GABRG3: variants seen among roughly 807,000 people sequenced by gnomAD.
GABRG3 encodes gamma-aminobutyric acid receptor subunit gamma-3.
GABRG3 carries 25 observed loss-of-function variants against 48.8 expected under a neutral mutation model. That is an observed-to-expected ratio of 0.51 (90% CI 0.37 to 0.72). The LOEUF is 0.72. Ranked by LOEUF, GABRG3 falls within the 30% of genes least tolerant of loss-of-function variation. The pLI, the probability that GABRG3 is intolerant of heterozygous loss-of-function variation, is 0.00. For synonymous variants in GABRG3, 227 were observed against 217.6 expected (o/e 1.04, Z -0.38); for missense variants, 394 against 577.9 (o/e 0.68, Z 3.26).
Position 27,006,178 on chromosome 15 carries a change from G to GT in GABRG3, c.203-20566dup, listed in dbSNP as rs11309210. ...AATAAAACTTTTTTTTACATTCCTA[G>GT]TTTTTTTTTTGTCTTCCAACTTTTT... On this transcript the variant is annotated intron_variant, in intron 2 of 9. Transcript: ENST00000615808. Among the ~76,000 whole-genome samples the GT allele has an allele frequency of 5.5e-4, 82 of 150,274 alleles. No individual in the cohort carries two copies. In the East Asian group the frequency reaches 0.012, roughly 22 times the overall value.
chr15:27,515,251 C>T (rs908993040), intron 6 of GABRG3, among the ~76,000 whole-genome samples: 1 of 151,990 alleles, frequency 6.6e-6, no homozygotes, highest in Non-Finnish European at 1.5e-5. Context: ...CACCACCACA[C>T]CCAACTAACT....
chr15:27,265,553 G>C (rs1036723905), intron 3 of GABRG3, among the ~76,000 whole-genome samples: 1 of 152,120 alleles, frequency 6.6e-6, no homozygotes, highest in South Asian at 2.1e-4. Flanking sequence ...GCTTCACATC[G>C]GAGCGAAGGG....
intron 2 of GABRG3, among the ~76,000 whole-genome samples, chr15:26,993,926 T>C (rs1159679109): frequency 6.6e-6 from 1 of 152,076 alleles, no homozygotes; most frequent in Non-Finnish European, 1.5e-5. Context: ...TTATATCCTC[T>C]TGCCGAATTG....
chr15:27,136,384 C>T (rs914402057), intron 3 of GABRG3, among the ~76,000 whole-genome samples: 4 of 152,144 alleles, frequency 2.6e-5, no homozygotes, highest in African/African-American at 9.7e-5. Context: ...ACTGCATGTT[C>T]TAATACCCTT....
intron 2 of GABRG3, among the ~76,000 whole-genome samples, chr15:27,019,323 G>C (rs1175517336): frequency 6.6e-6 from 1 of 151,732 alleles, no homozygotes; most frequent in Non-Finnish European, 1.5e-5. Context: ...CCCCGCCTTG[G>C]CCTCCCAAAG....
chr15:26,999,108 C>T (rs1254471095), intron 2 of GABRG3, among the ~76,000 whole-genome samples: 2 of 149,220 alleles, frequency 1.3e-5, no homozygotes, highest in African/African-American at 2.5e-5. Context: ...ATGGATTAAA[C>T]CAACCATGGG....
chr15:27,286,417 T>C (rs2140483120), intron 3 of GABRG3, among the ~76,000 whole-genome samples: 1 of 152,308 alleles, frequency 6.6e-6, no homozygotes, highest in South Asian at 2.1e-4. Context: ...TTTCATCTTC[T>C]TCCTTCAAGG....
At chr15:27,175,580 A>T (rs1198558024) in intron 3 of GABRG3, among the ~76,000 whole-genome samples, 1 of 152,240 alleles carries the variant, frequency 6.6e-6, no homozygotes, top group East Asian at 1.9e-4. Context: ...TTTAACTAAA[A>T]GCAGTCTGAT....
intron 3 of GABRG3, among the ~76,000 whole-genome samples, chr15:27,277,696 A>G (rs1227978591): frequency 6.6e-6 from 1 of 152,210 alleles, no homozygotes; most frequent in Non-Finnish European, 1.5e-5. Flanking sequence ...AACAGTACCT[A>G]TAAAGATTAC....
intron 5 of GABRG3, among the ~76,000 whole-genome samples, chr15:27,404,645 A>G (rs1208302311): frequency 1.3e-5 from 2 of 151,994 alleles, no homozygotes; most frequent in African/African-American, 2.4e-5. Flanking sequence ...GGCGTTCTCT[A>G]CTTGGGGCAC....
intron 3 of GABRG3, among the ~76,000 whole-genome samples, chr15:27,100,746 C>T (rs1005849338): frequency 3.9e-5 from 6 of 152,038 alleles, no homozygotes; most frequent in African/African-American, 7.2e-5. Flanking sequence ...TCATTTTATG[C>T]GAAAATGTAT....
intron 3 of GABRG3, among the ~76,000 whole-genome samples, chr15:27,250,550 C>G (rs942380150): frequency 3.9e-5 from 6 of 152,134 alleles, no homozygotes; most frequent in African/African-American, 1.4e-4. Context: ...CCTCAGCCTC[C>G]CTAGTAGCTG....
chr15:27,124,100 C>T (rs991825242), intron 3 of GABRG3, among the ~76,000 whole-genome samples: 1 of 152,128 alleles, frequency 6.6e-6, no homozygotes, highest in African/African-American at 2.4e-5. Context: ...CAGTTTAACT[C>T]ATGTTAAGAT....
intron 5 of GABRG3, among the ~76,000 whole-genome samples, chr15:27,329,324 C>T (rs966002076): frequency 1.3e-5 from 2 of 152,250 alleles, no homozygotes; most frequent in East Asian, 1.9e-4. Context: ...AGTGCAGTAG[C>T]ACAGCCTTAG....
intron 3 of GABRG3, among the ~76,000 whole-genome samples, chr15:27,069,398 G>A (rs949822795): frequency 1.3e-5 from 2 of 152,138 alleles, no homozygotes; most frequent in African/African-American, 2.4e-5. Flanking sequence ...AATTGCTGTG[G>A]GCCCACAATG....
chr15:27,134,609 A>G (rs573190188), intron 3 of GABRG3, among the ~76,000 whole-genome samples: 98 of 151,936 alleles, frequency 6.5e-4, no homozygotes, highest in African/African-American at 2.3e-3. Flanking sequence ...TTCTCCTTTC[A>G]CTTCCCTCCT....
At chr15:27,044,011 G>A (rs1896322507) in intron 3 of GABRG3, among the ~76,000 whole-genome samples, 2 of 152,190 alleles carry the variant, frequency 1.3e-5, no homozygotes, top group African/African-American at 4.8e-5. Context: ...CTGGCACAAG[G>A]GCCCCTCCAC....
In GABRG3 at chr15:27,208,432, G is replaced by T. The variant is rs76717094; in HGVS notation, c.271-118377G>T. 6.8e-3 allele frequency: 1,405 copies of T among 205,460 alleles called. 13 individuals carry two copies. The highest frequency in any genetic ancestry group is 0.031 in the African/African-American group (1,343 of 42,982). The allele number at this position is 205,460 out of a possible 1,614,324, so 12.7% of individuals were successfully genotyped here. ...AGAAGTTGGCATTGTTTATGTGCAT[G>T]AAAGACCTGCCCTCAGTGGTATTCA... On this transcript the variant is annotated intron_variant, in intron 3 of 9. Coordinates refer to ENST00000615808, the MANE Select transcript of GABRG3 (RefSeq NM_033223.5).
At chr15:27,362,240 A>G (rs1895049832) in intron 5 of GABRG3, 1 of 152,328 alleles carries the variant, frequency 6.6e-6, no homozygotes, top group South Asian at 2.1e-4. Context: ...GACACCTTCT[A>G]CTATCATCTG....
Sources: gnomAD v4.1 joint callset for allele counts (sites outside exome capture counted in the v4.1 genomes callset) on GRCh38, gnomAD v4.1.1 for gene constraint, MANE v1.5 for transcripts, NCBI Gene and HGNC (gene_info 2026-07-23, HGNC 2026-07-21) for gene names.